The following CDH13 variants were observed in gnomAD, a reference collection of about 807,000 sequenced individuals.
The protein encoded by CDH13 is cadherin 13, also known as cadherin-13.
In CDH13, 24 loss-of-function variants were observed where a neutral mutation model predicts 63.8. The observed-to-expected ratio is 0.38, with a 90% CI of 0.27 to 0.53. The LOEUF (loss-of-function observed/expected upper bound fraction) is 0.53, where lower values mean the gene tolerates loss of function less well. CDH13 is among the 20% of genes least tolerant of loss of function. The pLI is 0.85. For missense variants in CDH13, 1,049 were observed against 903.1 expected (o/e 1.16, Z -2.07); for synonymous variants, 503 against 355.3 (o/e 1.42, Z -4.67).
intron 10 of CDH13, among the ~76,000 whole-genome samples, chr16:83,736,197 C>A (rs191310111): frequency 6.6e-6 from 1 of 152,270 alleles, no homozygotes; most frequent in East Asian, 1.9e-4. Context: ...TGAAAGCTAT[C>A]TTGTGGTTGC....
intron 11 of CDH13, among the ~76,000 whole-genome samples, chr16:83,779,374 T>A (rs1266035758): frequency 8.9e-6 from 1 of 111,984 alleles, no homozygotes; most frequent in Non-Finnish European, 1.6e-5. Flanking sequence ...GCCATTGCAC[T>A]CCAGCCCGGG....
chr16:83,197,906 T>A (rs2038921265), intron 4 of CDH13, among the ~76,000 whole-genome samples: 1 of 152,066 alleles, frequency 6.6e-6, no homozygotes, highest in Non-Finnish European at 1.5e-5. Context: ...AATATTTTAA[T>A]TGTGACATTG....
intron 2 of CDH13, among the ~76,000 whole-genome samples, chr16:82,877,303 C>G (rs1224628591): frequency 6.6e-6 from 1 of 152,198 alleles, no homozygotes; most frequent in African/African-American, 2.4e-5. Flanking sequence ...GCTAAGGAGA[C>G]TGTTGTCCCA....
intron 1 of CDH13, among the ~76,000 whole-genome samples, chr16:82,671,138 C>G (rs1383525777): frequency 8.5e-5 from 13 of 152,194 alleles, no homozygotes; most frequent in Non-Finnish European, 1.2e-4. Context: ...GAATACAAGT[C>G]TGTGCAGTGC....
intron 5 of CDH13, among the ~76,000 whole-genome samples, chr16:83,288,843 C>G (rs1406334062): frequency 6.6e-6 from 1 of 152,152 alleles, no homozygotes; most frequent in Non-Finnish European, 1.5e-5. Flanking sequence ...ATGAAACCAG[C>G]AGTCTAAAAC....
chr16:82,634,639 A>G (rs1403084006), intron 1 of CDH13, among the ~76,000 whole-genome samples: 2 of 152,242 alleles, frequency 1.3e-5, no homozygotes, highest in African/African-American at 4.8e-5. Flanking sequence ...TGCTATAACA[A>G]CAGAGTTGAG....
At chr16:82,958,848 G>A (rs1005343114) in intron 2 of CDH13, among the ~76,000 whole-genome samples, 8 of 152,242 alleles carry the variant, frequency 5.3e-5, no homozygotes, top group Non-Finnish European at 1.2e-4. Context: ...CATTCACCTG[G>A]GTGAGTACTC....
intron 6 of CDH13, among the ~76,000 whole-genome samples, chr16:83,355,273 A>G (rs1343471407): frequency 1.3e-5 from 2 of 152,218 alleles, no homozygotes; most frequent in African/African-American, 4.8e-5. Context: ...CTAAATATTG[A>G]GTCATTTTAT....
intron 1 of CDH13, among the ~76,000 whole-genome samples, chr16:82,634,018 G>A (rs1207392363): frequency 6.6e-6 from 1 of 152,190 alleles, no homozygotes; most frequent in Admixed American, 6.5e-5. Context: ...CAACAGGCAC[G>A]TTTTGACTTG....
intron 2 of CDH13, among the ~76,000 whole-genome samples, chr16:82,903,544 C>T (rs1292153651): frequency 1.3e-5 from 2 of 152,176 alleles, no homozygotes; most frequent in Non-Finnish European, 2.9e-5. Flanking sequence ...CTTTCTCTGA[C>T]GCTTAGGACT....
At chr16:83,555,453 G>C (rs1469135135) in intron 7 of CDH13, among the ~76,000 whole-genome samples, 1 of 152,212 alleles carries the variant, frequency 6.6e-6, no homozygotes, top group Non-Finnish European at 1.5e-5. Flanking sequence ...TGTCTTAAAA[G>C]ACATCTTTTT....
chr16:83,432,780 C>T (rs554305423), intron 6 of CDH13, among the ~76,000 whole-genome samples: 47 of 152,296 alleles, frequency 3.1e-4, no homozygotes, highest in Middle Eastern at 3.4e-3. Flanking sequence ...CACACAGCCT[C>T]AGAGCATCCC....
At chr16:82,898,420 G>C (rs1288082136) in intron 2 of CDH13, among the ~76,000 whole-genome samples, 1 of 152,222 alleles carries the variant, frequency 6.6e-6, no homozygotes, top group Admixed American at 6.5e-5. Context: ...GGCTACTCAG[G>C]AGGTGGAGAC....
At chr16:83,779,156 C>A (rs1567590051) in intron 11 of CDH13, among the ~76,000 whole-genome samples, 1 of 151,884 alleles carries the variant, frequency 6.6e-6, no homozygotes, top group Non-Finnish European at 1.5e-5. Context: ...CCTGTATTCC[C>A]AGCACTTTGG....
chr16:83,250,792 G>A (rs905723404), intron 5 of CDH13, among the ~76,000 whole-genome samples: 7 of 152,186 alleles, frequency 4.6e-5, no homozygotes, highest in African/African-American at 1.7e-4. Flanking sequence ...TTCCAGGCAG[G>A]ATACAGACTT....
chr16:83,343,182 T>A (rs1597793724), intron 5 of CDH13, among the ~76,000 whole-genome samples: 1 of 152,056 alleles, frequency 6.6e-6, no homozygotes, highest in East Asian at 1.9e-4. Flanking sequence ...AAGAAAAAAA[T>A]TTAAAAATTA....
chr16:82,770,224 C>T (rs2035210420), intron 1 of CDH13, among the ~76,000 whole-genome samples: 1 of 152,210 alleles, frequency 6.6e-6, no homozygotes, highest in Non-Finnish European at 1.5e-5. Flanking sequence ...GTAATGTTTT[C>T]CCTTGCTTTC....
Position 83,797,368 on chromosome 16 carries a change from T to A in CDH13, c.*2338T>A, listed in dbSNP as rs1407065802. 6.6e-6 allele frequency: 1 copy of A among 152,180 alleles called. No individual in the cohort carries two copies. Among genetic ancestry groups the A allele is most frequent in the Admixed American group, 6.5e-5 (1 of 15,282 alleles). The allele number at this position is 152,180 out of a possible 1,614,324, so 9.4% of individuals were successfully genotyped here. A position where few individuals can be genotyped will look rare whatever the true frequency, so the allele number is the denominator to read the frequency against. ...GCACTTTGTGAACCGAACCAGAAGA[T>A]TAACTTCGCTGAAAATTCAGAAAAA... On this transcript the variant is annotated 3_prime_UTR_variant, in exon 14 of 14. Coordinates refer to ENST00000567109, the MANE Select transcript of CDH13 (RefSeq NM_001257.5).
chr16:83,372,083 C>T (rs2091377489), intron 6 of CDH13, among the ~76,000 whole-genome samples: 1 of 152,194 alleles, frequency 6.6e-6, no homozygotes, highest in Admixed American at 6.5e-5. Context: ...ACAATAACAG[C>T]ATTGATGAGA....
Sources: allele counts gnomAD v4.1 joint callset (sites outside exome capture counted in the v4.1 genomes callset), GRCh38; gene constraint gnomAD v4.1.1; transcripts MANE v1.5; gene names NCBI Gene and HGNC (gene_info 2026-07-23, HGNC 2026-07-21).